ADK: variants seen among roughly 807,000 people sequenced by gnomAD.
ADK encodes adenosine kinase.
Under a neutral mutation model 44.7 loss-of-function variants are expected in ADK, and 24 were observed. The ratio of observed to expected loss-of-function variants is 0.54; its 90% CI spans 0.39 to 0.76. The LOEUF is 0.76. Among genes scored for constraint, ADK ranks in the 30% least tolerant of loss-of-function variants. ADK has a pLI of 0.00. For synonymous variants in ADK, 128 were observed against 142.6 expected, an observed-to-expected ratio of 0.90 and a Z score of 0.73; for missense variants, 321 against 425.1, an observed-to-expected ratio of 0.76 and a Z score of 2.15.
In ADK at chr10:74,151,250, T is replaced by C. The variant is rs1414431494; in HGVS notation, c.-29T>C. 24 of 1,549,278 alleles carry C rather than the reference T, an allele frequency of 1.5e-5. No homozygotes were observed. Among genetic ancestry groups the C allele is most frequent in the South Asian group, 2.4e-5 (2 of 83,936 alleles). On this transcript the variant is annotated 5_prime_UTR_variant, in exon 1 of 11. Transcript: ENST00000539909. ...GAGAGTGGATGGCAGAGGTGGGCTG[T>C]AGAGCCAAAGTGGGGTGGGAGCGCG... is the stretch of plus-strand genomic sequence containing the variant.
intron 4 of ADK, among the ~76,000 whole-genome samples, chr10:74,379,382 G>C (rs933241832): frequency 6.6e-6 from 1 of 152,152 alleles, no homozygotes; most frequent in African/African-American, 2.4e-5. Context: ...CACTGGTCTT[G>C]TTGCCTCTCC....
intron 9 of ADK, among the ~76,000 whole-genome samples, chr10:74,619,365 G>A (rs1217236317): frequency 6.6e-6 from 1 of 151,718 alleles, no homozygotes; most frequent in Non-Finnish European, 1.5e-5. Flanking sequence ...TGAGGCAGGA[G>A]AATTGCTTGA....
intron 2 of ADK, among the ~76,000 whole-genome samples, chr10:74,214,332 T>A (rs898271634): frequency 1.3e-5 from 2 of 152,350 alleles, no homozygotes; most frequent in Admixed American, 1.3e-4. Flanking sequence ...ATATGTTGTT[T>A]AAAATCTTGC....
At chr10:74,639,811 G>T (rs1378824600) in intron 9 of ADK, among the ~76,000 whole-genome samples, 2 of 152,168 alleles carry the variant, frequency 1.3e-5, no homozygotes, top group African/African-American at 4.8e-5. Flanking sequence ...ACTCCAGCCT[G>T]GGTGACAGAG....
intron 2 of ADK, among the ~76,000 whole-genome samples, chr10:74,206,985 C>T (rs184898169): frequency 2.6e-5 from 4 of 152,260 alleles, no homozygotes; most frequent in African/African-American, 9.6e-5. Context: ...GCCTGGATCC[C>T]ACACCTGCCA....
At position 74,671,675 on chromosome 10, in the gene ADK, A is replaced by C. The variant is rs139447001; in HGVS notation, c.964+1406A>C. Among the ~76,000 whole-genome samples the C allele has an allele frequency of 5.1e-3, 776 of 152,354 alleles. 9 individuals are homozygous for C. The highest frequency in any genetic ancestry group is 0.018 in the African/African-American group (738 of 41,568). On this transcript the variant is annotated intron_variant, in intron 10 of 10. Transcript: ENST00000539909. ...ACCATATTCTGTAATACATTAAGAAAACCCTAGTGATTTCTTGGTTAGAAA... is the reference window on the plus strand; with the variant it reads ...ACCATATTCTGTAATACATTAAGAACACCCTAGTGATTTCTTGGTTAGAAA...
intron 6 of ADK, among the ~76,000 whole-genome samples, chr10:74,491,136 A>G (rs1457153085): frequency 6.6e-6 from 1 of 152,138 alleles, no homozygotes; most frequent in Non-Finnish European, 1.5e-5. Flanking sequence ...AAATGGACAC[A>G]CAAAAAAACA....
intron 2 of ADK, among the ~76,000 whole-genome samples, chr10:74,223,074 T>C (rs1468721909): frequency 6.6e-6 from 1 of 152,176 alleles, no homozygotes; most frequent in African/African-American, 2.4e-5. Context: ...TTAGAATACC[T>C]GAAACTGGGT....
chr10:74,544,026 A>C (rs1181472886), intron 7 of ADK, among the ~76,000 whole-genome samples: 1 of 151,940 alleles, frequency 6.6e-6, no homozygotes, highest in Admixed American at 6.6e-5. Context: ...ATGTTTTCTT[A>C]TCATCAATAC....
chr10:74,261,432 C>T (rs1189739898), intron 3 of ADK, among the ~76,000 whole-genome samples: 4 of 152,140 alleles, frequency 2.6e-5, no homozygotes, highest in Admixed American at 2.6e-4. Flanking sequence ...AGCTCTGATC[C>T]TGGGACTTCC....
At chr10:74,697,912 T>C (rs1856264712) in intron 10 of ADK, among the ~76,000 whole-genome samples, 1 of 152,198 alleles carries the variant, frequency 6.6e-6, no homozygotes, top group Admixed American at 6.5e-5. Flanking sequence ...TAACATATGT[T>C]TCAGGTCTCA....
intron 7 of ADK, among the ~76,000 whole-genome samples, chr10:74,582,043 A>G (rs925086769): frequency 3.3e-5 from 5 of 152,186 alleles, no homozygotes; most frequent in East Asian, 1.9e-4. Flanking sequence ...TGAGAATCCA[A>G]TGATAGAAAG....
At chr10:74,396,604 A>G (rs1272588399) in intron 5 of ADK, among the ~76,000 whole-genome samples, 1 of 152,158 alleles carries the variant, frequency 6.6e-6, no homozygotes. Context: ...ATCTTTCTTG[A>G]TCCAGGTTCT....
At chr10:74,330,695 A>G (rs978427084) in intron 4 of ADK, among the ~76,000 whole-genome samples, 2 of 152,170 alleles carry the variant, frequency 1.3e-5, no homozygotes, top group African/African-American at 2.4e-5. Flanking sequence ...AGACACCCAC[A>G]TGGGCAGGAA....
intron 6 of ADK, among the ~76,000 whole-genome samples, chr10:74,477,581 TC>T (rs1846902842): frequency 6.6e-6 from 1 of 152,164 alleles, no homozygotes; most frequent in African/African-American, 2.4e-5. Flanking sequence ...GATTTTTCTT[TC>T]CCTTAGTGTT....
intron 6 of ADK, among the ~76,000 whole-genome samples, chr10:74,520,703 T>A (rs564146194): frequency 7.9e-5 from 12 of 152,166 alleles, no homozygotes; most frequent in African/African-American, 2.9e-4. Flanking sequence ...AGAGTGGTTG[T>A]GTAATGTGTT....
chr10:74,178,026 C>G (rs947518323), intron 1 of ADK, among the ~76,000 whole-genome samples: 26 of 150,740 alleles, frequency 1.7e-4, no homozygotes, highest in African/African-American at 6.1e-4. Flanking sequence ...ACTGCAATCT[C>G]CGCCTCCCGG....
At position 74,335,863 on chromosome 10, in the gene ADK, A is replaced by T. The variant is rs192157565; in HGVS notation, c.273+21118A>T. On this transcript the variant is annotated intron_variant, in intron 4 of 10. Transcript: ENST00000539909. ...TCTTCAAACTCTTTGCCTTTTTTTT[A>T]AAAAAAATTGTGTTTATTTTTGTTA... is the stretch of plus-strand genomic sequence containing the variant. Among the ~76,000 whole-genome samples, 81 of 151,894 alleles carry T rather than the reference A, an allele frequency of 5.3e-4. 1 individual carries two copies. Among genetic ancestry groups the T allele is most frequent in the Admixed American group, 1.7e-3 (26 of 15,254 alleles).
At chr10:74,378,215 A>G (rs993459959) in intron 4 of ADK, among the ~76,000 whole-genome samples, 3 of 152,172 alleles carry the variant, frequency 2.0e-5, no homozygotes, top group Non-Finnish European at 4.4e-5. Flanking sequence ...GTTTGAGGTT[A>G]TAGTGAGTTA....
Sources: gnomAD v4.1 joint callset for allele counts (sites outside exome capture counted in the v4.1 genomes callset) on GRCh38, gnomAD v4.1.1 for gene constraint, MANE v1.5 for transcripts, NCBI Gene and HGNC (gene_info 2026-07-23, HGNC 2026-07-21) for gene names.